Variants in PPP1R1C observed in about 807,000 individuals in gnomAD.
PPP1R1C encodes the protein protein phosphatase 1 regulatory subunit 1C.
Under a neutral mutation model 17.4 loss-of-function variants are expected in PPP1R1C, and 15 were observed. The observed-to-expected ratio is 0.86, with a 90% CI of 0.58 to 1.33. The LOEUF (loss-of-function observed/expected upper bound fraction) is 1.33. Among genes scored for constraint, PPP1R1C ranks in the 40% most tolerant of loss-of-function variants. PPP1R1C has a pLI of 0.00. For missense variants in PPP1R1C, 143 were observed against 130.0 expected (o/e 1.10, Z -0.48); for synonymous variants, 35 against 43.1 (o/e 0.81, Z 0.73).
intron 4 of PPP1R1C, among the ~76,000 whole-genome samples, chr2:182,074,116 A>G (rs950957540): frequency 6.9e-6 from 1 of 144,506 alleles, no homozygotes; most frequent in Non-Finnish European, 1.5e-5. Context: ...ATCTCGGCTC[A>G]CTGCAAGCTC....
chr2:181,960,904 T>C (rs1368738219), intron 1 of PPP1R1C, among the ~76,000 whole-genome samples: 3 of 152,210 alleles, frequency 2.0e-5, no homozygotes, highest in African/African-American at 4.8e-5. Context: ...AGAAATTCCA[T>C]TGAAATGCGT....
chr2:182,098,350 C>G (rs973389910), intron 4 of PPP1R1C, among the ~76,000 whole-genome samples: 4 of 152,110 alleles, frequency 2.6e-5, no homozygotes, highest in African/African-American at 9.7e-5. Context: ...AAAAAATGCT[C>G]ATTAACTTTG....
intron 4 of PPP1R1C, among the ~76,000 whole-genome samples, chr2:182,071,151 T>A (rs1688128581): frequency 6.6e-6 from 1 of 152,214 alleles, no homozygotes; most frequent in Non-Finnish European, 1.5e-5. Flanking sequence ...TCTTGGTATC[T>A]ATTTAGTTTT....
At chr2:181,975,797 T>C (rs1685083544) in intron 2 of PPP1R1C, among the ~76,000 whole-genome samples, 1 of 151,966 alleles carries the variant, frequency 6.6e-6, no homozygotes, top group Non-Finnish European at 1.5e-5. Flanking sequence ...TATAGGTAAA[T>C]GTAAGAATGT....
chr2:182,106,850 C>G (rs1336609610), intron 4 of PPP1R1C, among the ~76,000 whole-genome samples: 1 of 152,126 alleles, frequency 6.6e-6, no homozygotes, highest in East Asian at 1.9e-4. Flanking sequence ...GTTGGAGCCC[C>G]ACGACTTGCC....
rs180726351 is a variant in PPP1R1C, at chr2:182,069,875, C to T, written c.241+6084C>T. On this transcript the variant is annotated intron_variant, in intron 4 of 4. Coordinates refer to ENST00000682840, the MANE Select transcript of PPP1R1C (RefSeq NM_001080545.3). ...AAGAATCAGTTTCTTTAAATATTTC[C>T]CAAATAAGCAAATAGCAACATTCAA... is the stretch of plus-strand genomic sequence containing the variant. 1.2e-3 allele frequency among the ~76,000 whole-genome samples: 176 copies of T among 152,106 alleles called. 1 individual carries two copies. The highest frequency in any genetic ancestry group is 4.1e-3 in the African/African-American group (169 of 41,490).
At chr2:182,007,044 A>C (rs988189552) in intron 2 of PPP1R1C, among the ~76,000 whole-genome samples, 4 of 152,198 alleles carry the variant, frequency 2.6e-5, no homozygotes, top group Non-Finnish European at 5.9e-5. Flanking sequence ...TACTTAAAAA[A>C]CTAAAACAAT....
intron 2 of PPP1R1C, chr2:182,023,986 T>A (rs919570647): frequency 1.3e-5 from 2 of 152,134 alleles, no homozygotes; most frequent in African/African-American, 2.4e-5. Context: ...AGCAAATTTC[T>A]CCTTCTCATA....
Position 181,976,017 on chromosome 2 carries a change from A to G in PPP1R1C, n.157+753A>G, listed in dbSNP as rs1685086371. Among the ~76,000 whole-genome samples the G allele has an allele frequency of 6.6e-6, 1 of 152,108 alleles. No individual in the cohort carries two copies. Among genetic ancestry groups the G allele is most frequent in the African/African-American group, 2.4e-5 (1 of 41,458 alleles). ...CAAAAGAACCTTAAAAATATTATTT[A>G]AAATTATCTTTGTTATTCTGGCTCT... On this transcript the variant is annotated intron_variant and non_coding_transcript_variant, in intron 2 of 5. Coordinates refer to the PPP1R1C transcript ENST00000464264. This position sits in a 1 kb window ranked among gnomAD's most constrained non-coding sequence, Gnocchi z 4.8.
At chr2:182,087,361 T>C (rs1330300083) in intron 4 of PPP1R1C, among the ~76,000 whole-genome samples, 1 of 152,210 alleles carries the variant, frequency 6.6e-6, no homozygotes, top group Non-Finnish European at 1.5e-5. Context: ...TGTTGTTCCT[T>C]AAAAATGCCA....
intron 4 of PPP1R1C, among the ~76,000 whole-genome samples, chr2:182,095,558 A>T (rs1574448399): frequency 6.6e-6 from 1 of 152,152 alleles, no homozygotes; most frequent in Admixed American, 6.5e-5. Context: ...TGGCTCCTTT[A>T]TCACTTCTGT....
Position 182,102,991 on chromosome 2 carries a change from A to C in PPP1R1C, c.242-14216A>C, listed in dbSNP as rs113815590. 4.0e-4 allele frequency among the ~76,000 whole-genome samples: 61 copies of C among 151,798 alleles called. 2 individuals carry two copies. Among genetic ancestry groups the C allele is most frequent in the African/African-American group, 1.4e-3 (58 of 41,360 alleles). On this transcript the variant is annotated intron_variant, in intron 4 of 4. Transcript: ENST00000682840. ...ATGGCTGATTTATTTTTTTATAGAG[A>C]TGGGGTTTCGCCATGTTGCCCAGGC...
chr2:182,040,732 G>A (rs975064269), intron 2 of PPP1R1C, among the ~76,000 whole-genome samples: 2 of 152,030 alleles, frequency 1.3e-5, no homozygotes, highest in African/African-American at 4.8e-5. Flanking sequence ...CTTTGCCTAG[G>A]CCAATGTCTT....
At chr2:181,994,481 A>G (rs994994787) in intron 2 of PPP1R1C, among the ~76,000 whole-genome samples, 8 of 152,012 alleles carry the variant, frequency 5.3e-5, no homozygotes, top group African/African-American at 1.9e-4. Context: ...GACTTTTAAG[A>G]CTTAGTCTAG....
chr2:181,991,062 A>G (rs1685459936), intron 2 of PPP1R1C, among the ~76,000 whole-genome samples: 1 of 152,288 alleles, frequency 6.6e-6, no homozygotes, highest in East Asian at 1.9e-4. Context: ...TCCAATTCAT[A>G]TGACAAGATC....
At chr2:182,082,342 A>G (rs1281079795) in intron 4 of PPP1R1C, among the ~76,000 whole-genome samples, 1 of 152,228 alleles carries the variant, frequency 6.6e-6, no homozygotes, top group African/African-American at 2.4e-5. Flanking sequence ...TTCTCAAAAG[A>G]AAATATCTCA....
intron 2 of PPP1R1C, among the ~76,000 whole-genome samples, chr2:182,041,641 A>G (rs1342512675): frequency 6.6e-6 from 1 of 151,612 alleles, no homozygotes; most frequent in African/African-American, 2.4e-5. Context: ...ATTGTCCCAA[A>G]TGTAGCCACT....
intron 4 of PPP1R1C, among the ~76,000 whole-genome samples, chr2:182,081,912 G>T (rs1201757800): frequency 1.3e-5 from 2 of 152,242 alleles, no homozygotes; most frequent in East Asian, 1.9e-4. Context: ...AGGGAGAAAA[G>T]CTTCATGTGC....
chr2:181,982,860 C>T (rs1441482511), upstream of PPP1R1C, among the ~76,000 whole-genome samples: 6 of 152,142 alleles, frequency 3.9e-5, no homozygotes, highest in East Asian at 1.2e-3. Flanking sequence ...TCCAGTATCA[C>T]TTACTTTGAA....
Sources: allele counts gnomAD v4.1 joint callset (sites outside exome capture counted in the v4.1 genomes callset), GRCh38; gene constraint gnomAD v4.1.1; non-coding constraint Gnocchi (gnomAD v3.1); transcripts MANE v1.5; gene names NCBI Gene and HGNC (gene_info 2026-07-23, HGNC 2026-07-21).